The following MARCHF11 variants were observed in gnomAD, a reference collection of about 807,000 sequenced individuals.
The protein encoded by MARCHF11 is E3 ubiquitin-protein ligase MARCHF11.
MARCHF11 carries 29 observed loss-of-function variants against 37.3 expected under a neutral mutation model. That is an observed-to-expected ratio of 0.78 (90% confidence interval 0.58 to 1.06). The LOEUF (loss-of-function observed/expected upper bound fraction) is 1.06, where lower values mean the gene tolerates loss of function less well. Among genes scored for constraint, MARCHF11 ranks in the 50% least tolerant of loss-of-function variants. The pLI is 0.00. For missense variants in MARCHF11, 482 were observed against 533.4 expected (o/e 0.90, Z 0.95); for synonymous variants, 233 against 228.0 (o/e 1.02, Z -0.20).
intron 2 of MARCHF11, among the ~76,000 whole-genome samples, chr5:16,106,200 T>C (rs1392079097): frequency 6.6e-6 from 1 of 152,108 alleles, no homozygotes; most frequent in African/African-American, 2.4e-5. Flanking sequence ...AGGAGCAACC[T>C]GAATGAGGCT....
chr5:16,137,376 C>A (rs2126588860), intron 2 of MARCHF11, among the ~76,000 whole-genome samples: 1 of 152,322 alleles, frequency 6.6e-6, no homozygotes, highest in Middle Eastern at 3.4e-3. Flanking sequence ...TGCTCTCTTG[C>A]CTGCTGCCAA....
At chr5:16,079,454 G>A (rs1736570480) in intron 3 of MARCHF11, among the ~76,000 whole-genome samples, 1 of 152,196 alleles carries the variant, frequency 6.6e-6, no homozygotes, top group South Asian at 2.1e-4. Flanking sequence ...AGGCAAGGTT[G>A]GTCTTGCTGC....
At chr5:16,082,208 C>A (rs1736622099) in intron 3 of MARCHF11, among the ~76,000 whole-genome samples, 1 of 152,244 alleles carries the variant, frequency 6.6e-6, no homozygotes, top group Non-Finnish European at 1.5e-5. Flanking sequence ...GAGGCAGGGA[C>A]TCCTGTTGGA....
intron 2 of MARCHF11, chr5:16,141,468 GCA>G (rs1358480069): frequency 1.3e-5 from 2 of 152,278 alleles, no homozygotes; most frequent in African/African-American, 4.8e-5. Flanking sequence ...CCCAAGAAGC[GCA>G]CAGTGTCCAC....
At chr5:16,089,156 T>C (rs1736749671) in intron 3 of MARCHF11, among the ~76,000 whole-genome samples, 1 of 152,158 alleles carries the variant, frequency 6.6e-6, no homozygotes, top group South Asian at 2.1e-4. Flanking sequence ...GTGTTTATAC[T>C]GAGGGCAAGA....
At chr5:16,139,667 T>C (rs902935290) in intron 2 of MARCHF11, among the ~76,000 whole-genome samples, 1 of 152,176 alleles carries the variant, frequency 6.6e-6, no homozygotes, top group African/African-American at 2.4e-5. Flanking sequence ...GTAGAGAGTA[T>C]AATTCACAAT....
chr5:16,112,948 CCA>C (rs1159305569), intron 2 of MARCHF11, among the ~76,000 whole-genome samples: 2 of 152,140 alleles, frequency 1.3e-5, no homozygotes, highest in Non-Finnish European at 2.9e-5. Flanking sequence ...GCCTCCCCAG[CCA>C]CATGGAACTG....
In MARCHF11 at chr5:16,179,773, G is replaced by A; in HGVS notation, c.-198C>T. 4.3e-6 allele frequency: 1 copy of A among 229,964 alleles called. No individual in the cohort carries two copies. The highest frequency in any genetic ancestry group is 8.0e-6 in the Non-Finnish European group (1 of 124,514). 14.2% of individuals were successfully genotyped at this position (229,964 alleles called of 1,614,324 possible). ...CGGCGGCAGGCGCGGCCGTTCGGTG[G>A]AGCCGCCGGCTCGGCTCTGATGGAG... On this transcript the variant is annotated 5_prime_UTR_variant, in exon 1 of 4. Transcript: ENST00000332432.
intron 2 of MARCHF11, among the ~76,000 whole-genome samples, chr5:16,126,391 T>C (rs890880978): frequency 1.1e-4 from 16 of 152,204 alleles, no homozygotes; most frequent in Non-Finnish European, 1.3e-4. Flanking sequence ...CTAGAAAATG[T>C]TGGCAGATAA....
intron 2 of MARCHF11, among the ~76,000 whole-genome samples, chr5:16,161,763 T>C (rs1453674642): frequency 6.6e-6 from 1 of 151,970 alleles, no homozygotes; most frequent in African/African-American, 2.4e-5. Context: ...ATTGTGTGTC[T>C]TTCCCAGTGG....
At chr5:16,077,579 C>T (rs145114822) in intron 3 of MARCHF11, among the ~76,000 whole-genome samples, 164 of 152,238 alleles carry the variant, frequency 1.1e-3, no homozygotes, top group African/African-American at 3.7e-3. Context: ...ACAGAAACTA[C>T]CATCTAAGTA....
At chr5:16,169,476 T>C (rs1042238788) in intron 2 of MARCHF11, among the ~76,000 whole-genome samples, 1 of 152,086 alleles carries the variant, frequency 6.6e-6, no homozygotes, top group Non-Finnish European at 1.5e-5. Flanking sequence ...TCTTTTTAGA[T>C]GGTAGTTTTC....
intron 2 of MARCHF11, among the ~76,000 whole-genome samples, chr5:16,167,083 T>A (rs1434766170): frequency 6.6e-6 from 1 of 151,712 alleles, no homozygotes; most frequent in Non-Finnish European, 1.5e-5. Context: ...TGAATGCATA[T>A]CACTTTCACA....
At chr5:16,147,833 T>A (rs916003347) in intron 2 of MARCHF11, among the ~76,000 whole-genome samples, 2 of 152,140 alleles carry the variant, frequency 1.3e-5, no homozygotes, top group Admixed American at 6.6e-5. Flanking sequence ...TACTAGAAAT[T>A]CTTCAAGACA....
At position 16,179,176 on chromosome 5, in the gene MARCHF11, C is replaced by T; in HGVS notation, c.400G>A (p.Gly134Ser). 2.9e-6 allele frequency: 4 copies of T among 1,368,618 alleles called. No individual in the cohort carries two copies. The highest frequency in any genetic ancestry group is 3.7e-6 in the Non-Finnish European group (4 of 1,068,694). The allele number at this position is 1,368,618 out of a possible 1,614,324, so 84.8% of individuals were successfully genotyped here. The stretch of plus-strand genomic sequence containing the variant: ...CGCGTCTCGGGCTGGTCTCCGGCGC[C>T]CCGCCGCTCGCGCTCGCCGCCCGCG... ...AGAGGERERR[G>S]AGDQPETRSV... The change falls in exon 1 of 4, where the codon GGC (glycine) becomes AGC (serine). Residue 134 changes from glycine to serine, a missense_variant. Gly to Ser is a moderately conservative substitution (Grantham distance 56, BLOSUM62 0). Transcript: ENST00000332432.
chr5:16,113,451 C>T (rs567638103), intron 2 of MARCHF11, among the ~76,000 whole-genome samples: 11 of 152,178 alleles, frequency 7.2e-5, no homozygotes, highest in South Asian at 6.2e-4. Flanking sequence ...TATTATTGTT[C>T]GACTTTAAAA....
chr5:16,085,939 C>CA (rs56782867), intron 3 of MARCHF11, among the ~76,000 whole-genome samples: 1,176 of 40,966 alleles, frequency 0.029, 371 homozygotes, highest in Middle Eastern at 0.095. Flanking sequence ...GACTCCATCT[C>CA]AAAAAAAAAA....
intron 2 of MARCHF11, among the ~76,000 whole-genome samples, chr5:16,145,816 G>A (rs995914030): frequency 5.3e-5 from 8 of 151,950 alleles, no homozygotes; most frequent in Admixed American, 2.6e-4. Flanking sequence ...TATGACACAC[G>A]GCCCTCAAAT....
At chr5:16,156,718 A>G (rs3849090) in intron 2 of MARCHF11, among the ~76,000 whole-genome samples, 35,507 of 151,782 alleles carry the variant, frequency 0.23, 4,317 homozygotes, top group South Asian at 0.33. Context: ...TCGTCCTTGT[A>G]CAAACATCAG....
Sources: gnomAD v4.1 joint callset for allele counts (sites outside exome capture counted in the v4.1 genomes callset) on GRCh38, gnomAD v4.1.1 for gene constraint, MANE v1.5 for transcripts, NCBI Gene and HGNC (gene_info 2026-07-23, HGNC 2026-07-21) for gene names.